ZP3: variants seen among roughly 807,000 people sequenced by gnomAD.
ZP3 encodes the protein zona pellucida glycoprotein 3.
Under a neutral mutation model 35.6 loss-of-function variants are expected in ZP3, and 21 were observed. The observed-to-expected ratio is 0.59, with a 90% confidence interval of 0.42 to 0.85. ZP3 has a LOEUF of 0.85. ZP3 is among the 40% of genes least tolerant of loss of function. The pLI is 0.00. For synonymous variants in ZP3, 207 were observed against 214.5 expected, an observed-to-expected ratio of 0.96 and a Z score of 0.31; for missense variants, 437 against 536.5, an observed-to-expected ratio of 0.81 and a Z score of 1.83.
chr7:76,440,081 A>G (rs1806149597), intron 5 of ZP3, 169 bp from the exon 6 acceptor site: 1 of 1,265,608 alleles, frequency 7.9e-7, no homozygotes, highest in Non-Finnish European at 1.1e-6. Flanking sequence ...TCCTGACCTC[A>G]GGTGATCTAC....
rs761425411 is a variant in ZP3 at position 76,440,498 on chromosome 7, C to G, written c.947C>G (p.Ala316Gly). The G allele has an allele frequency of 4.3e-6, 7 of 1,614,116 alleles. No homozygotes were observed. Among genetic ancestry groups the G allele is most frequent in the Non-Finnish European group, 4.2e-6 (5 of 1,179,996 alleles). ...AGCTGGTTCCCAGTGGAAGGCTCGG[C>G]TGACATCTGTCAATGCTGTAACAAA... The part of the protein sequence containing the change: ...SNSWFPVEGS[A>G]DICQCCNKGD... Residue 316 changes from alanine to glycine, a missense_variant, in exon 7 of 8, where the codon GCT (alanine) becomes GGT (glycine). Ala to Gly is a moderately conservative substitution (Grantham distance 60). Transcript: ENST00000394857.
intron 1 of ZP3, chr7:76,428,499 A>G (rs747958262): frequency 2.0e-5 from 3 of 152,160 alleles, no homozygotes; most frequent in Non-Finnish European, 4.4e-5. Context: ...CTTCGAACTT[A>G]GGTGTTTGCT....
At chr7:76,404,681 A>G (rs1180097862) in intron 1 of ZP3, among the ~76,000 whole-genome samples, 2 of 152,168 alleles carry the variant, frequency 1.3e-5, no homozygotes, top group Non-Finnish European at 2.9e-5. Context: ...CTGTAATCCC[A>G]GCACTTTGGG....
In ZP3 at chr7:76,440,413, T is replaced by G. The variant is rs763604617; in HGVS notation, c.924-62T>G. On this transcript the variant is annotated intron_variant, in intron 6 of 7. Transcript: ENST00000394857. ...GACCCCTTGTCTATTTCCCCCAATATATTATCAGCAAACTGCTTCCTGCAG... is the reference window on the plus strand; with the variant it reads ...GACCCCTTGTCTATTTCCCCCAATAGATTATCAGCAAACTGCTTCCTGCAG... 1.9e-6 allele frequency: 3 copies of G among 1,607,836 alleles called. No individual in the cohort carries two copies. The South Asian group carries it at 3.3e-5, about 18-fold the overall frequency.
rs1426869248 is a variant in ZP3, at chr7:76,433,017, G to A, written c.522G>A (p.Leu174=). Residue 174 remains leucine (L), a synonymous_variant, in exon 3 of 8, where the codon CTG becomes CTA. Transcript: ENST00000394857. The stretch of plus-strand genomic sequence containing the variant: ...CAGAGGAGAAGCTGACTTTCTCTCT[G>A]CGTCTGATGGAGGGTAAGAGAAGAA... ...VFSEEKLTFS[L]RLMEENWNAE... 3 of 1,613,814 alleles carry A rather than the reference G, an allele frequency of 1.9e-6. 1 individual carries two copies. In the South Asian group the frequency reaches 3.3e-5, roughly 18 times the overall value.
chr7:76,438,538 G>GGAAAA (rs1554626485), intron 5 of ZP3, among the ~76,000 whole-genome samples: 28 of 88,562 alleles, frequency 3.2e-4, no homozygotes, highest in African/African-American at 8.7e-4. Flanking sequence ...CTCCGTCTCA[G>GGAAAA]AAAAAAAAAA....
chr7:76,425,105 G>A lies in ZP3; in HGVS notation c.141G>A (p.Gln47=). The change falls in exon 1 of 8, where the codon CAG becomes CAA. Residue 47 remains glutamine, a synonymous_variant. Transcript: ENST00000394857. ...TSVQPVLVEC[Q]EATLMVMVSK... ...TACAGCCCGTACTGGTGGAGTGTCA[G>A]GAGGCCACTCTGATGGTCATGGTCA... 1.2e-6 allele frequency: 2 copies of A among 1,613,932 alleles called. No individual in the cohort carries two copies. Among genetic ancestry groups the A allele is most frequent in the Non-Finnish European group, 1.7e-6 (2 of 1,180,024 alleles).
chr7:76,424,900 G>A (rs1416023706), upstream of ZP3: 2 of 1,420,036 alleles, frequency 1.4e-6, no homozygotes, highest in African/African-American at 1.4e-5. Flanking sequence ...AGCCCAGGTG[G>A]CAGCAGCCAG....
At chr7:76,404,770 C>T (rs906052974) in intron 1 of ZP3, among the ~76,000 whole-genome samples, 2 of 150,288 alleles carry the variant, frequency 1.3e-5, no homozygotes, top group Non-Finnish European at 3.0e-5. Context: ...TGTCTGTTAC[C>T]AAAAAATGCA....
upstream of ZP3, chr7:76,424,912 A>C (rs1584055186): frequency 6.9e-7 from 1 of 1,448,104 alleles, no homozygotes; most frequent in Non-Finnish European, 9.1e-7. Context: ...AGCAGCCAGC[A>C]TCCCACGGGT....
intron 5 of ZP3, among the ~76,000 whole-genome samples, chr7:76,434,985 G>A (rs1196983439): frequency 6.6e-6 from 1 of 152,214 alleles, no homozygotes; most frequent in African/African-American, 2.4e-5. Context: ...TGGCTGAGGT[G>A]GGGGAGGGAT....
chr7:76,426,907 C>CACACACACACCCACAA (rs57796274), intron 1 of ZP3, among the ~76,000 whole-genome samples: 1 of 126,870 alleles, frequency 7.9e-6, no homozygotes, highest in Non-Finnish European at 1.6e-5. Flanking sequence ...CACACACACA[C>CACACACACACCCACAA]AATAGGGTGT....
chr7:76,424,804 A>G, upstream of ZP3: 1 of 624,518 alleles, frequency 1.6e-6, no homozygotes, highest in Middle Eastern at 4.2e-4. Flanking sequence ...ACAAGCTCCC[A>G]GGTGTTACTG....
chr7:76,402,215 C>A (rs1804856067), intron 1 of ZP3, among the ~76,000 whole-genome samples: 1 of 144,834 alleles, frequency 6.9e-6, no homozygotes, highest in African/African-American at 2.5e-5. Context: ...CAGAGTCTTA[C>A]TCCATTCAGG....
At chr7:76,430,580 A>G (rs1398051895) in intron 2 of ZP3, among the ~76,000 whole-genome samples, 2 of 151,988 alleles carry the variant, frequency 1.3e-5, no homozygotes, top group Non-Finnish European at 1.5e-5. Context: ...TAAAAACACA[A>G]AAAAATTAGC....
At chr7:76,434,911 T>C (rs1805944238) in intron 5 of ZP3, among the ~76,000 whole-genome samples, 1 of 150,748 alleles carries the variant, frequency 6.6e-6, no homozygotes, top group Admixed American at 6.6e-5. Flanking sequence ...GAACCTAAAC[T>C]AGAAAACTCA....
chr7:76,410,056 G>C (rs1357572177), intron 1 of ZP3, among the ~76,000 whole-genome samples: 3 of 151,702 alleles, frequency 2.0e-5, no homozygotes, highest in Non-Finnish European at 4.4e-5. Context: ...TTCAGACAGA[G>C]TCTCTCTCTG....
At position 76,403,625 on chromosome 7, in the gene ZP3, C is replaced by T. The variant is rs547566523; in HGVS notation, c.-67+5828C>T. Among the ~76,000 whole-genome samples, 702 of 151,718 alleles carry T rather than the reference C, an allele frequency of 4.6e-3. 4 individuals are homozygous for T. Among genetic ancestry groups the T allele is most frequent in the South Asian group, 0.029 (140 of 4,804 alleles). On this transcript the variant is annotated intron_variant, in intron 1 of 8. Transcript: ENST00000336517. ...TGCTGGGATTACAGGCGACAGCCAC[C>T]GTGCCTGGCTGATTCAACTTATTCT...
intron 5 of ZP3, among the ~76,000 whole-genome samples, chr7:76,436,047 T>TCCC (rs1440428250): frequency 2.0e-4 from 8 of 40,536 alleles, no homozygotes; most frequent in African/African-American, 1.1e-3. Context: ...TTTTTTTTTT[T>TCCC]TTTTTTTTTT....
Sources: allele counts gnomAD v4.1 joint callset (sites outside exome capture counted in the v4.1 genomes callset), GRCh38; gene constraint gnomAD v4.1.1; transcripts MANE v1.5; gene names NCBI Gene and HGNC (gene_info 2026-07-23, HGNC 2026-07-21).